Variants in CCDC89 observed in about 807,000 individuals in gnomAD.
CCDC89 encodes the protein coiled-coil domain-containing protein 89.
CCDC89 carries 28 observed loss-of-function variants against 29.3 expected under a neutral mutation model. The ratio of observed to expected loss-of-function variants is 0.96; its 90% CI spans 0.71 to 1.31. The LOEUF (loss-of-function observed/expected upper bound fraction) is 1.31. CCDC89 is among the 50% of genes most tolerant of loss of function. The pLI, the probability that CCDC89 is intolerant of heterozygous loss-of-function variation, is 0.00. For synonymous variants in CCDC89, 191 were observed against 179.7 expected (o/e 1.06, Z -0.51); for missense variants, 484 against 442.3 (o/e 1.09, Z -0.85).
chr11:85,686,019 C>G lies in CCDC89; in HGVS notation c.112G>C (p.Glu38Gln). Residue 38 changes from glutamate (E) to glutamine (Q), a missense_variant, in exon 1 of 1, where the codon GAG becomes CAG. Coordinates refer to ENST00000316398, the MANE Select transcript of CCDC89 (RefSeq NM_152723.3). ...CTCAGACCGTCCAGTTCCTTAAACT[C>G]CGTCTCCTCTTCCTGGTTGTTCAGT... ...EKLNNQEEET[E>Q]FKELDGLREA... 1 of 1,614,184 alleles carries G rather than the reference C, an allele frequency of 6.2e-7. No individual in the cohort carries two copies. Among genetic ancestry groups the G allele is most frequent in the Non-Finnish European group, 8.5e-7 (1 of 1,180,008 alleles).
chr11:85,684,339 T>C lies in CCDC89; in HGVS notation c.*667A>G, dbSNP rs547970262. Among the ~76,000 whole-genome samples the C allele has an allele frequency of 9.2e-5, 14 of 152,318 alleles. No homozygotes were observed. Among genetic ancestry groups the C allele is most frequent in the Admixed American group, 5.2e-4 (8 of 15,298 alleles). On this transcript the variant is annotated 3_prime_UTR_variant, in exon 1 of 1. Coordinates refer to ENST00000316398, the MANE Select transcript of CCDC89 (RefSeq NM_152723.3). ...TGCATTATTGCACATCTAAATCCTC[T>C]TTTTAAAGAGAAAACCAAAAAATGG... is the stretch of plus-strand genomic sequence containing the variant.
rs1162601895 is a variant in CCDC89 at position 85,685,333 on chromosome 11, C to A, written c.798G>T (p.Gln266His). Residue 266 changes from glutamine (Q) to histidine (H), a missense_variant, in exon 1 of 1, where the codon CAG becomes CAT. Gln to His is a conservative substitution (Grantham distance 24, BLOSUM62 0). Transcript: ENST00000316398. Reference protein sequence around the residue: ...SLSQELQARLQTVTREKEELL... With the variant: ...SLSQELQARLHTVTREKEELL... ...ACTCCTCTTTCTCTCTAGTGACGGT[C>A]TGCAGCCTGGCCTGCAGCTCCTGGC... is the stretch of plus-strand genomic sequence containing the variant. 6.2e-7 allele frequency: 1 copy of A among 1,608,078 alleles called. No individual in the cohort carries two copies. Among genetic ancestry groups the A allele is most frequent in the East Asian group, 2.2e-5 (1 of 44,872 alleles).
Position 85,686,081 on chromosome 11 carries a change from G to T in CCDC89, c.50C>A (p.Pro17Gln), listed in dbSNP as rs376367251. ...QKQQAPRMDT[P>Q]PPEERLEKQN... ...CTTCTCTAAGCGTTCTTCAGGGGGC[G>T]GGGTGTCCATCCTGGGAGCCTGCTG... The change falls in exon 1 of 1, where the codon CCG (proline) becomes CAG (glutamine). Residue 17 changes from proline to glutamine, a missense_variant. By Grantham distance (76) the Pro-to-Gln change is moderately conservative. Transcript: ENST00000316398. The T allele has an allele frequency of 1.2e-6, 2 of 1,614,102 alleles. No homozygotes were observed. Among genetic ancestry groups the T allele is most frequent in the East Asian group, 2.2e-5 (1 of 44,874 alleles).
rs1256640530 is a variant in CCDC89, at chr11:85,685,872, C to T, written c.259G>A (p.Ala87Thr). 4 of 1,614,034 alleles carry T rather than the reference C, an allele frequency of 2.5e-6. No individual in the cohort carries two copies. The highest frequency in any genetic ancestry group is 1.3e-5 in the African/African-American group (1 of 74,924). Residue 87 changes from alanine to threonine, a missense_variant, in exon 1 of 1, where the codon GCC becomes ACC. Coordinates refer to ENST00000316398, the MANE Select transcript of CCDC89 (RefSeq NM_152723.3). ...TCTAGGATCTGGCAGCGCTCCAGGG[C>T]CTCATCTGACCTCCGCTTCAGGATG... ...ICILKRRSDE[A>T]LERCQILELL...
In CCDC89 at chr11:85,684,853, A is replaced by G; in HGVS notation, c.*153T>C. ...TGAAAATTAATAATGGCTTTACAATAATAACAACAATATCATAGTAAAGTA... is the reference window on the plus strand; with the variant it reads ...TGAAAATTAATAATGGCTTTACAATGATAACAACAATATCATAGTAAAGTA... On this transcript the variant is annotated 3_prime_UTR_variant, in exon 1 of 1. Transcript: ENST00000316398. 1.3e-6 allele frequency: 1 copy of G among 772,892 alleles called. No homozygotes were observed. Among genetic ancestry groups the G allele is most frequent in the Admixed American group, 3.3e-5 (1 of 30,176 alleles). The allele number at this position is 772,892 out of a possible 1,614,324, so 47.9% of individuals were successfully genotyped here.
chr11:85,685,932 G>A lies in CCDC89; in HGVS notation c.199C>T (p.Arg67Cys), dbSNP rs2083015199. 1.2e-6 allele frequency: 2 copies of A among 1,614,198 alleles called. No homozygotes were observed. Among genetic ancestry groups the A allele is most frequent in the South Asian group, 1.1e-5 (1 of 91,092 alleles). Reference sequence around the variant, plus strand: ...TGGGACTGCTCTTCAATGCGGGAGCGAAGCATAGCCTTCTCGCTCCTCTCC... The same window carrying A: ...TGGGACTGCTCTTCAATGCGGGAGCAAAGCATAGCCTTCTCGCTCCTCTCC... ...EEERSEKAMLRSRIEEQSQLI... is the reference protein window; with the variant it reads ...EEERSEKAMLCSRIEEQSQLI... The change falls in exon 1 of 1, where the codon CGC becomes TGC. Residue 67 changes from arginine to cysteine, a missense_variant. Arg to Cys is a radical substitution (Grantham distance 180). Coordinates refer to ENST00000316398, the MANE Select transcript of CCDC89 (RefSeq NM_152723.3).
chr11:85,685,790 G>A lies in CCDC89; in HGVS notation c.341C>T (p.Ala114Val), dbSNP rs778478718. ...KMMQEAEKLK[A>V]QGEYSRKLEE... ...TAGTTTCCGACTGTACTCACCCTGG[G>A]CCTTGAGCTTCTCAGCCTCCTGCAT... The change falls in exon 1 of 1, where the codon GCC becomes GTC. Residue 114 changes from alanine to valine, a missense_variant. Ala to Val is a moderately conservative substitution (Grantham distance 64). Coordinates refer to ENST00000316398, the MANE Select transcript of CCDC89 (RefSeq NM_152723.3). 3 of 1,614,114 alleles carry A rather than the reference G, an allele frequency of 1.9e-6. No individual in the cohort carries two copies. Among genetic ancestry groups the A allele is most frequent in the Non-Finnish European group, 1.7e-6 (2 of 1,180,032 alleles).
In CCDC89 at chr11:85,683,903, C is replaced by A. The variant is rs972653683; in HGVS notation, c.*1103G>T. On this transcript the variant is annotated 3_prime_UTR_variant, in exon 1 of 1. Transcript: ENST00000316398. ...CCAAGTCATATTTTTTAAGTAAATT[C>A]ATTATGTAACTTGGTAGCCTTCAGC... is the stretch of plus-strand genomic sequence containing the variant. Among the ~76,000 whole-genome samples the A allele has an allele frequency of 1.3e-5, 2 of 152,226 alleles. No homozygotes were observed. The highest frequency in any genetic ancestry group is 3.4e-3 in the Middle Eastern group (1 of 294).
chr11:85,685,820 T>A lies in CCDC89; in HGVS notation c.311A>T (p.Lys104Met), dbSNP rs553340912. The change falls in exon 1 of 1, where the codon AAG becomes ATG. Residue 104 changes from lysine to methionine, a missense_variant. Lys to Met is a moderately conservative substitution (Grantham distance 95, BLOSUM62 -1). Transcript: ENST00000316398. ...LELLNAELEEKMMQEAEKLKA... is the reference protein window; with the variant it reads ...LELLNAELEEMMMQEAEKLKA... ...GAGCTTCTCAGCCTCCTGCATCATC[T>A]TCTCCTCCAGCTCTGCATTGAGCAG... The A allele has an allele frequency of 2.5e-5, 41 of 1,614,192 alleles. No homozygotes were observed. Among genetic ancestry groups the A allele is most frequent in the Non-Finnish European group, 3.5e-5 (41 of 1,180,040 alleles).
rs776756785 is a variant in CCDC89, at chr11:85,685,947, C to T, written c.184G>A (p.Glu62Lys). 30 of 1,614,068 alleles carry T rather than the reference C, an allele frequency of 1.9e-5. No individual in the cohort carries two copies. The highest frequency in any genetic ancestry group is 2.5e-5 in the Non-Finnish European group (30 of 1,180,036). ...ATGCGGGAGCGAAGCATAGCCTTCTCGCTCCTCTCCTCCTCTGACAGTCCC... is the reference window on the plus strand; with the variant it reads ...ATGCGGGAGCGAAGCATAGCCTTCTTGCTCCTCTCCTCCTCTGACAGTCCC... Reference protein sequence around the residue: ...LRGLSEEERSEKAMLRSRIEE... With the variant: ...LRGLSEEERSKKAMLRSRIEE... The change falls in exon 1 of 1, where the codon GAG (glutamate) becomes AAG (lysine). Residue 62 changes from glutamate (E) to lysine (K), a missense_variant. By Grantham distance (56) the Glu-to-Lys change is moderately conservative. Coordinates refer to ENST00000316398, the MANE Select transcript of CCDC89 (RefSeq NM_152723.3).
chr11:85,686,020 C>T lies in CCDC89; in HGVS notation c.111G>A (p.Thr37=), dbSNP rs375176425. 2.5e-6 allele frequency: 4 copies of T among 1,614,204 alleles called. No homozygotes were observed. Among genetic ancestry groups the T allele is most frequent in the East Asian group, 2.2e-5 (1 of 44,866 alleles). Residue 37 remains threonine, a synonymous_variant, in exon 1 of 1, where the codon ACG becomes ACA. Coordinates refer to ENST00000316398, the MANE Select transcript of CCDC89 (RefSeq NM_152723.3). The stretch of plus-strand genomic sequence containing the variant: ...TCAGACCGTCCAGTTCCTTAAACTC[C>T]GTCTCCTCTTCCTGGTTGTTCAGTT... ...NEKLNNQEEE[T]EFKELDGLRE... is the part of the protein sequence containing the mutation.
Position 85,685,742 on chromosome 11 carries a change from G to T in CCDC89, c.389C>A (p.Ala130Glu). The change falls in exon 1 of 1, where the codon GCA (alanine) becomes GAA (glutamate). Residue 130 changes from alanine (A) to glutamate (E), a missense_variant. Ala to Glu is a moderately radical substitution (Grantham distance 107, BLOSUM62 -1). Transcript: ENST00000316398. ...GCGGAGCATCAACTCGTGGTTGGCT[G>T]CTAGGGTCATAAAGCGTTCCTCTAG... ...RKLEERFMTL[A>E]ANHELMLRFK... is the part of the protein sequence containing the mutation. The T allele has an allele frequency of 6.2e-7, 1 of 1,614,114 alleles. No homozygotes were observed. Among genetic ancestry groups the T allele is most frequent in the Non-Finnish European group, 8.5e-7 (1 of 1,180,030 alleles).
At position 85,686,055 on chromosome 11, in the gene CCDC89, G is replaced by T. The variant is rs749211811; in HGVS notation, c.76C>A (p.Gln26Lys). 1.2e-6 allele frequency: 2 copies of T among 1,614,138 alleles called. No homozygotes were observed. The highest frequency in any genetic ancestry group is 1.7e-6 in the Non-Finnish European group (2 of 1,180,030). ...TCCTGGTTGTTCAGTTTTTCATTTT[G>T]CTTCTCTAAGCGTTCTTCAGGGGGC... ...TPPPEERLEKQNEKLNNQEEE... is the reference protein window; with the variant it reads ...TPPPEERLEKKNEKLNNQEEE... Residue 26 changes from glutamine to lysine, a missense_variant, in exon 1 of 1, where the codon CAA becomes AAA. By Grantham distance (53) the Gln-to-Lys change is moderately conservative (BLOSUM62 1). Transcript: ENST00000316398.
In CCDC89 at chr11:85,685,976, A is replaced by G. The variant is rs757031286; in HGVS notation, c.155T>C (p.Leu52Pro). The G allele has an allele frequency of 1.9e-6, 3 of 1,614,080 alleles. No homozygotes were observed. Among genetic ancestry groups the G allele is most frequent in the Middle Eastern group, 1.6e-4 (1 of 6,062 alleles). The change falls in exon 1 of 1, where the codon CTC becomes CCC. Residue 52 changes from leucine (L) to proline (P), a missense_variant. By Grantham distance (98) the Leu-to-Pro change is moderately conservative (BLOSUM62 -3). Transcript: ENST00000316398. ...CCTCTCCTCCTCTGACAGTCCCCGGAGGTTTGCCAAGGCTTCCCTCAGACC... is the reference window on the plus strand; with the variant it reads ...CCTCTCCTCCTCTGACAGTCCCCGGGGGTTTGCCAAGGCTTCCCTCAGACC... ...LDGLREALAN[L>P]RGLSEEERSE...
In CCDC89 at chr11:85,684,988, G is replaced by A; in HGVS notation, c.*18C>T. On this transcript the variant is annotated 3_prime_UTR_variant, in exon 1 of 1. Transcript: ENST00000316398. ...TATTTGAATTCTGAATTGCAGGCCA[G>A]AGGAAGCAGAAACTTCCCTATGGAG... is the stretch of plus-strand genomic sequence containing the variant. The A allele has an allele frequency of 6.3e-7, 1 of 1,590,270 alleles. No homozygotes were observed. Among genetic ancestry groups the A allele is most frequent in the Non-Finnish European group, 8.6e-7 (1 of 1,168,242 alleles).
chr11:85,685,165 GTC>G lies in CCDC89; in HGVS notation c.964_965del (p.Asp322GlnfsTer21), dbSNP rs758666653. Reference sequence around the variant, plus strand: ...GAAGCTCCCTGACTCTCAAGTTGCTGTCCACAGCCACTGCCTCTTGCTCAAAC... The same window carrying G: ...GAAGCTCCCTGACTCTCAAGTTGCTGCACAGCCACTGCCTCTTGCTCAAAC... ...ERFEQEAVAVDSNLRVRELQR... is the reference protein window; with the variant it reads ...ERFEQEAVAVXSNLRVRELQR... On this transcript the variant is annotated frameshift_variant, in exon 1 of 1. Coordinates refer to ENST00000316398, the MANE Select transcript of CCDC89 (RefSeq NM_152723.3). LOFTEE classifies it high-confidence loss of function. 4.3e-6 allele frequency: 7 copies of G among 1,614,078 alleles called. No homozygotes were observed. Among genetic ancestry groups the G allele is most frequent in the Non-Finnish European group, 5.9e-6 (7 of 1,180,056 alleles).
In CCDC89 at chr11:85,685,601, A is replaced by T. The variant is rs753177864; in HGVS notation, c.530T>A (p.Leu177Ter). ...QALKDEEAKVLQLTVRCEALT... is the reference protein window; with the variant it reads ...QALKDEEAKV ...GGCCTCACACCGGACTGTGAGCTGT[A>T]ATACTTTCGCCTCCTCATCCTTCAG... is the stretch of plus-strand genomic sequence containing the variant. The change falls in exon 1 of 1, where the codon TTA becomes TAA. Residue 177 changes from leucine (L) to a stop codon, truncating the protein, a stop_gained. Transcript: ENST00000316398. LOFTEE classifies it high-confidence loss of function. 3 of 1,613,976 alleles carry T rather than the reference A, an allele frequency of 1.9e-6. No homozygotes were observed. The highest frequency in any genetic ancestry group is 2.7e-5 in the African/African-American group (2 of 74,874).
Position 85,685,573 on chromosome 11 carries a change from GA to G in CCDC89, c.557del (p.Leu186ProfsTer5). The G allele has an allele frequency of 6.2e-7, 1 of 1,614,160 alleles. No individual in the cohort carries two copies. Among genetic ancestry groups the G allele is most frequent in the Non-Finnish European group, 8.5e-7 (1 of 1,180,028 alleles). ...CCTTCAGCGTTTCTAGCTCCCCAGT[GA>G]GGGCCTCACACCGGACTGTGAGCTG... ...VLQLTVRCEA[L>X]TGELETLKER... On this transcript the variant is annotated frameshift_variant, in exon 1 of 1. Coordinates refer to ENST00000316398, the MANE Select transcript of CCDC89 (RefSeq NM_152723.3). LOFTEE classifies it high-confidence loss of function.
chr11:85,685,038 G>A lies in CCDC89; in HGVS notation c.1093C>T (p.Leu365Phe). 1.2e-6 allele frequency: 2 copies of A among 1,613,898 alleles called. No homozygotes were observed. The highest frequency in any genetic ancestry group is 1.7e-6 in the Non-Finnish European group (2 of 1,179,920). The change falls in exon 1 of 1, where the codon CTC becomes TTC. Residue 365 changes from leucine (L) to phenylalanine (F), a missense_variant. Leu to Phe is a conservative substitution (Grantham distance 22). Transcript: ENST00000316398. Reference sequence around the variant, plus strand: ...GAGAGATGGCGGAGTTTGCCATTGAGTTCTCTCTCCTTGCTTAAAAGATCC... The same window carrying A: ...GAGAGATGGCGGAGTTTGCCATTGAATTCTCTCTCCTTGCTTAAAAGATCC... ...SLDLLSKERELNGKLRHLSP is the reference protein window; with the variant it reads ...SLDLLSKEREFNGKLRHLSP
Sources: allele counts gnomAD v4.1 joint callset (sites outside exome capture counted in the v4.1 genomes callset), GRCh38; gene constraint gnomAD v4.1.1; transcripts MANE v1.5; gene names NCBI Gene and HGNC (gene_info 2026-07-23, HGNC 2026-07-21).